PCDHA11: variants seen among roughly 807,000 people sequenced by gnomAD.
The protein encoded by PCDHA11 is protocadherin alpha-11.
PCDHA11 carries 61 observed loss-of-function variants against 70.3 expected under a neutral mutation model. The ratio of observed to expected loss-of-function variants is 0.87; its 90% CI spans 0.71 to 1.07. PCDHA11 has a LOEUF of 1.07. Among genes scored for constraint, PCDHA11 ranks in the 50% least tolerant of loss-of-function variants. PCDHA11 has a pLI of 0.00. For missense variants in PCDHA11, 1,324 were observed against 1,237.5 expected, an observed-to-expected ratio of 1.07 and a Z score of -1.05; for synonymous variants, 633 against 555.1, an observed-to-expected ratio of 1.14 and a Z score of -1.97.
chr5:140,911,745 A>G (rs573838491), intron 1 of PCDHA11, among the ~76,000 whole-genome samples: 7 of 151,408 alleles, frequency 4.6e-5, no homozygotes, highest in Non-Finnish European at 1.0e-4. Flanking sequence ...AAGGACTATC[A>G]GTGTTCTCCA....
At chr5:140,966,447 C>T (rs373859357) in intron 1 of PCDHA11, 40 of 425,326 alleles carry the variant, frequency 9.4e-5, no homozygotes, top group Middle Eastern at 5.8e-4. Context: ...CTCCCTTTCC[C>T]CCTCCCCCTC....
intron 1 of PCDHA11, chr5:140,927,032 C>T: frequency 6.2e-7 from 1 of 1,612,120 alleles, no homozygotes; most frequent in Non-Finnish European, 8.5e-7. Context: ...AGGCTGCCAG[C>T]GGCCGCTATG....
At chr5:140,967,046 C>T in intron 1 of PCDHA11, 1 of 1,612,334 alleles carries the variant, frequency 6.2e-7, no homozygotes, top group African/African-American at 1.3e-5. Context: ...GGAGCTGGAC[C>T]TGACGAGTGG....
intron 1 of PCDHA11, chr5:140,884,245 G>A: frequency 6.2e-7 from 1 of 1,613,462 alleles, no homozygotes; most frequent in Non-Finnish European, 8.5e-7. Context: ...AGCCCGCGCT[G>A]ACGGCCACGG....
At chr5:140,950,579 A>G (rs2094498747) in intron 1 of PCDHA11, among the ~76,000 whole-genome samples, 1 of 151,956 alleles carries the variant, frequency 6.6e-6, no homozygotes, top group African/African-American at 2.4e-5. Flanking sequence ...TTTTCTACTT[A>G]CCTTTGGTTT....
At chr5:141,006,305 G>A (rs548520638) in intron 3 of PCDHA11, among the ~76,000 whole-genome samples, 25 of 151,934 alleles carry the variant, frequency 1.6e-4, no homozygotes, top group Admixed American at 5.2e-4. Context: ...TCCACTTCCC[G>A]GGTTCATGCC....
At chr5:140,986,823 A>G (rs2097214089) in intron 3 of PCDHA11, among the ~76,000 whole-genome samples, 1 of 152,166 alleles carries the variant, frequency 6.6e-6, no homozygotes, top group Admixed American at 6.5e-5. Context: ...TTTGGTTTAG[A>G]CAATGGTTCT....
At chr5:140,911,892 G>A (rs2075679347) in intron 1 of PCDHA11, among the ~76,000 whole-genome samples, 1 of 152,176 alleles carries the variant, frequency 6.6e-6, no homozygotes. Flanking sequence ...ACCAAAATCT[G>A]TATTAGTCAG....
At chr5:140,957,189 G>T (rs1376112973) in intron 1 of PCDHA11, among the ~76,000 whole-genome samples, 1 of 152,174 alleles carries the variant, frequency 6.6e-6, no homozygotes, top group South Asian at 2.1e-4. Context: ...ATTGATGACC[G>T]ATTGGGAATA....
intron 2 of PCDHA11, among the ~76,000 whole-genome samples, chr5:140,979,343 AATT>A (rs1482354475): frequency 8.6e-5 from 13 of 152,024 alleles, no homozygotes; most frequent in African/African-American, 3.1e-4. Flanking sequence ...TAAAAACTGT[AATT>A]AATACTCATG....
At chr5:140,968,437 A>G (rs1267054987) in intron 1 of PCDHA11, 2 of 1,614,072 alleles carry the variant, frequency 1.2e-6, no homozygotes, top group Admixed American at 3.3e-5. Context: ...AGGGGAGCCC[A>G]CCACTGAGCA....
chr5:140,874,673 TG>T (rs1192690253), intron 1 of PCDHA11, among the ~76,000 whole-genome samples: 4 of 152,260 alleles, frequency 2.6e-5, no homozygotes, highest in African/African-American at 9.6e-5. Context: ...AATCTATTCC[TG>T]AGATTTGTTT....
chr5:140,928,571 C>T (rs369670852), intron 1 of PCDHA11: 1 of 1,614,180 alleles, frequency 6.2e-7, no homozygotes, highest in East Asian at 2.2e-5. Context: ...TTTCCCTTGC[C>T]CAGAAATGGT....
chr5:140,929,430 A>G, intron 1 of PCDHA11: 1 of 1,490,684 alleles, frequency 6.7e-7, no homozygotes, highest in Non-Finnish European at 9.0e-7. Flanking sequence ...CATCAATTGA[A>G]CTAAACACTC....
At chr5:140,894,841 T>C in intron 1 of PCDHA11, among the ~76,000 whole-genome samples, 1 of 152,184 alleles carries the variant, frequency 6.6e-6, no homozygotes, top group East Asian at 1.9e-4. Context: ...TTTCTTATGC[T>C]CATTTTTATA....
intron 1 of PCDHA11, among the ~76,000 whole-genome samples, chr5:140,920,560 C>T (rs1288031450): frequency 1.3e-5 from 2 of 152,168 alleles, no homozygotes; most frequent in Non-Finnish European, 2.9e-5. Flanking sequence ...AAGTGTGGCC[C>T]TTAGGCCAGG....
intron 3 of PCDHA11, among the ~76,000 whole-genome samples, chr5:141,006,790 T>A (rs1318848521): frequency 6.6e-6 from 1 of 152,130 alleles, no homozygotes; most frequent in African/African-American, 2.4e-5. Context: ...AATAATTAGC[T>A]TTGAACTTTC....
At chr5:140,915,622 T>TTCTC (rs1418940406) in intron 1 of PCDHA11, among the ~76,000 whole-genome samples, 2 of 128,520 alleles carry the variant, frequency 1.6e-5, no homozygotes, top group South Asian at 2.5e-4. Flanking sequence ...AACAGTCTCT[T>TTCTC]TCTGTCTCTC....
At chr5:140,975,486 A>G (rs1260336572) in intron 1 of PCDHA11, among the ~76,000 whole-genome samples, 4 of 152,228 alleles carry the variant, frequency 2.6e-5, no homozygotes, top group African/African-American at 4.8e-5. Flanking sequence ...GTTTATATCA[A>G]TGTTCATAAA....
Sources: allele counts gnomAD v4.1 joint callset (sites outside exome capture counted in the v4.1 genomes callset), GRCh38; gene constraint gnomAD v4.1.1; transcripts MANE v1.5; gene names NCBI Gene and HGNC (gene_info 2026-07-23, HGNC 2026-07-21).